The following WFDC10B variants were observed in gnomAD, a reference collection of about 807,000 sequenced individuals.
WFDC10B encodes the protein protein WFDC10B.
WFDC10B carries 1 observed loss-of-function variant against 2.7 expected under a neutral mutation model. The ratio of observed to expected loss-of-function variants is 0.38; its 90% confidence interval spans 0.13 to 1.79. WFDC10B has a LOEUF of 1.79. WFDC10B is among the 40% of genes most tolerant of loss of function. WFDC10B has a pLI of 0.33. For missense variants in WFDC10B, 71 were observed against 87.8 expected, an observed-to-expected ratio of 0.81 and a Z score of 0.76; for synonymous variants, 26 against 32.2, an observed-to-expected ratio of 0.81 and a Z score of 0.65.
Position 45,684,799 on chromosome 20 carries a change from G to A in WFDC10B, c.*31C>T. 1 of 1,610,578 alleles carries A rather than the reference G, an allele frequency of 6.2e-7. No homozygotes were observed. On this transcript the variant is annotated 3_prime_UTR_variant, in exon 4 of 4. Coordinates refer to ENST00000330523, the MANE Select transcript of WFDC10B (RefSeq NM_172006.2). Reference sequence around the variant, plus strand: ...AGTCTCGGATGGAAGGGTTCAGGGAGCAGGATGCACATCCCAGCCCACTCT... The same window carrying A: ...AGTCTCGGATGGAAGGGTTCAGGGAACAGGATGCACATCCCAGCCCACTCT...
intron 2 of WFDC10B, among the ~76,000 whole-genome samples, chr20:45,695,945 A>G (rs1471705332): frequency 1.3e-5 from 2 of 152,104 alleles, no homozygotes; most frequent in African/African-American, 4.8e-5. Context: ...GAGATGCAGT[A>G]AAAGTAGTTC....
intron 2 of WFDC10B, among the ~76,000 whole-genome samples, chr20:45,695,598 A>G (rs114996146): frequency 6.6e-6 from 1 of 152,376 alleles, no homozygotes; most frequent in African/African-American, 2.4e-5. Flanking sequence ...CTAGAAATCA[A>G]TAAGAGAAGG....
chr20:45,687,481 A>G (rs1983659176), intron 2 of WFDC10B, among the ~76,000 whole-genome samples: 1 of 152,182 alleles, frequency 6.6e-6, no homozygotes, highest in Non-Finnish European at 1.5e-5. Flanking sequence ...ATATGCATGC[A>G]TGTGTCTTTA....
At chr20:45,700,979 G>T (rs762999718) in intron 2 of WFDC10B, among the ~76,000 whole-genome samples, 6 of 152,196 alleles carry the variant, frequency 3.9e-5, no homozygotes, top group Non-Finnish European at 8.8e-5. Context: ...AAGAAGAAAA[G>T]ATCCAAGCTT....
chr20:45,701,114 A>C (rs976144474), intron 2 of WFDC10B, among the ~76,000 whole-genome samples: 1 of 152,204 alleles, frequency 6.6e-6, no homozygotes, highest in African/African-American at 2.4e-5. Context: ...TGTGCTGTTT[A>C]GTAGCCCAGT....
intron 2 of WFDC10B, among the ~76,000 whole-genome samples, chr20:45,696,348 G>T (rs896591604): frequency 6.9e-6 from 1 of 144,346 alleles, no homozygotes; most frequent in African/African-American, 2.6e-5. Context: ...TACGAAACTA[G>T]AAAGAGAAGA....
chr20:45,690,625 C>T (rs1255798166), intron 2 of WFDC10B, among the ~76,000 whole-genome samples: 12 of 152,062 alleles, frequency 7.9e-5, no homozygotes, highest in Non-Finnish European at 1.6e-4. Context: ...AGTTTATTTT[C>T]GTAGAGGTGT....
At chr20:45,691,064 T>A (rs541184596) in intron 2 of WFDC10B, among the ~76,000 whole-genome samples, 48 of 152,312 alleles carry the variant, frequency 3.2e-4, no homozygotes, top group East Asian at 2.7e-3. Flanking sequence ...TCAAAGAACA[T>A]CTTTATTTCT....
intron 2 of WFDC10B, among the ~76,000 whole-genome samples, chr20:45,691,094 C>T (rs1419068333): frequency 6.6e-6 from 1 of 152,020 alleles, no homozygotes; most frequent in East Asian, 1.9e-4. Flanking sequence ...TCGTTATGTA[C>T]CCAGTAGTCA....
chr20:45,692,547 T>C (rs1369015789), intron 2 of WFDC10B, among the ~76,000 whole-genome samples: 1 of 152,184 alleles, frequency 6.6e-6, no homozygotes, highest in East Asian at 1.9e-4. Flanking sequence ...TTTTATTCCT[T>C]TTTCTCTAAA....
intron 2 of WFDC10B, among the ~76,000 whole-genome samples, chr20:45,691,046 G>C (rs924259702): frequency 2.0e-5 from 3 of 151,942 alleles, no homozygotes; most frequent in East Asian, 1.9e-4. Flanking sequence ...TCTTTGTTCT[G>C]ATTGGTTTCA....
chr20:45,690,180 G>C (rs561723850), intron 2 of WFDC10B, among the ~76,000 whole-genome samples: 1 of 151,078 alleles, frequency 6.6e-6, no homozygotes, highest in East Asian at 2.0e-4. Context: ...TTGCATCCCA[G>C]GGATGAAGCC....
chr20:45,692,353 TCTGTATTTC>T, intron 2 of WFDC10B, among the ~76,000 whole-genome samples: 1 of 152,076 alleles, frequency 6.6e-6, no homozygotes, highest in South Asian at 2.1e-4. Context: ...TGTGGCATTC[TCTGTATTTC>T]CTGAATCTGA....
intron 2 of WFDC10B, among the ~76,000 whole-genome samples, chr20:45,699,535 G>GA (rs1315490937): frequency 2.0e-5 from 3 of 152,130 alleles, no homozygotes; most frequent in Non-Finnish European, 4.4e-5. Context: ...AATTGTTTTG[G>GA]AAAAAATTCA....
At chr20:45,692,783 C>T (rs1600957830) in intron 2 of WFDC10B, among the ~76,000 whole-genome samples, 1 of 152,252 alleles carries the variant, frequency 6.6e-6, no homozygotes, top group East Asian at 1.9e-4. Context: ...TGAATTTCCT[C>T]CTGTAGCTCG....
chr20:45,696,662 C>T (rs1311506156), intron 2 of WFDC10B, among the ~76,000 whole-genome samples: 1 of 152,024 alleles, frequency 6.6e-6, no homozygotes, highest in African/African-American at 2.4e-5. Context: ...ATGAAATGGA[C>T]AAATTCCTAG....
rs1453255206 is a variant in WFDC10B at position 45,685,945 on chromosome 20, C to T, written c.48G>A (p.Leu16=). The T allele has an allele frequency of 1.9e-6, 3 of 1,614,208 alleles. No individual in the cohort carries two copies. The highest frequency in any genetic ancestry group is 2.5e-6 in the Non-Finnish European group (3 of 1,180,048). The change falls in exon 3 of 4, where the codon CTG becomes CTA. Residue 16 remains leucine, a synonymous_variant. Coordinates refer to ENST00000330523, the MANE Select transcript of WFDC10B (RefSeq NM_172006.2). ...CACGGTATCCTCCCTGGGCCTGCAGCAGCAGCACACAGAGAACCAGGACAA... is the reference window on the plus strand; with the variant it reads ...CACGGTATCCTCCCTGGGCCTGCAGTAGCAGCACACAGAGAACCAGGACAA... ...LLLVLVLCVL[L]LQAQGGYRDK... is the part of the protein sequence containing the mutation.
intron 2 of WFDC10B, among the ~76,000 whole-genome samples, chr20:45,686,417 A>C (rs1392653639): frequency 6.6e-6 from 1 of 152,112 alleles, no homozygotes; most frequent in Non-Finnish European, 1.5e-5. Flanking sequence ...TAATGTAAAC[A>C]ATCTTTTATT....
At chr20:45,697,356 A>T (rs1188904748) in intron 2 of WFDC10B, among the ~76,000 whole-genome samples, 1 of 151,708 alleles carries the variant, frequency 6.6e-6, no homozygotes, top group Non-Finnish European at 1.5e-5. Context: ...AGAAGACCTC[A>T]AGAAATAGAA....
Sources: allele counts gnomAD v4.1 joint callset (sites outside exome capture counted in the v4.1 genomes callset), GRCh38; gene constraint gnomAD v4.1.1; transcripts MANE v1.5; gene names NCBI Gene and HGNC (gene_info 2026-07-23, HGNC 2026-07-21).